Variants in PRKN observed in about 807,000 individuals in gnomAD.
The protein encoded by PRKN is E3 ubiquitin-protein ligase parkin.
In PRKN, 56 loss-of-function variants were observed where a neutral mutation model predicts 59.5. The ratio of observed to expected loss-of-function variants is 0.94; its 90% confidence interval spans 0.76 to 1.18. PRKN has a LOEUF of 1.18. Among genes scored for constraint, PRKN ranks in the 50% most tolerant of loss-of-function variants. The pLI is 0.00. For missense variants in PRKN, 657 were observed against 596.4 expected (o/e 1.10, Z -1.06); for synonymous variants, 250 against 222.1 (o/e 1.13, Z -1.12).
intron 7 of PRKN, among the ~76,000 whole-genome samples, chr6:161,739,322 C>T (rs368763161): frequency 3.9e-5 from 6 of 152,034 alleles, no homozygotes; most frequent in East Asian, 3.9e-4. Context: ...GTGGGAGAAT[C>T]GCTGGAACCT....
At chr6:162,511,337 T>C (rs1163137581) in intron 1 of PRKN, among the ~76,000 whole-genome samples, 1 of 152,152 alleles carries the variant, frequency 6.6e-6, no homozygotes, top group Non-Finnish European at 1.5e-5. Flanking sequence ...CTTATAGACA[T>C]TCTAGATGTA....
chr6:161,881,707 G>A (rs1412700612), intron 6 of PRKN, among the ~76,000 whole-genome samples: 1 of 152,168 alleles, frequency 6.6e-6, no homozygotes, highest in Non-Finnish European at 1.5e-5. Context: ...CAACTCATTA[G>A]AGCCTCCTGA....
chr6:162,413,889 T>C (rs954434703), intron 2 of PRKN, among the ~76,000 whole-genome samples: 13 of 152,212 alleles, frequency 8.5e-5, no homozygotes, highest in Middle Eastern at 3.4e-3. Context: ...AAACTCAAGA[T>C]TGCAGATACA....
intron 2 of PRKN, among the ~76,000 whole-genome samples, chr6:162,303,947 G>A (rs1207214282): frequency 6.6e-6 from 1 of 152,008 alleles, no homozygotes; most frequent in East Asian, 1.9e-4. Context: ...TTTTTGTATA[G>A]ATTTTGCTCC....
intron 7 of PRKN, among the ~76,000 whole-genome samples, chr6:161,619,012 G>A (rs1290238793): frequency 3.3e-5 from 5 of 152,032 alleles, no homozygotes; most frequent in African/African-American, 4.8e-5. Flanking sequence ...AGCAGTTTTC[G>A]GCAGAGGGCA....
intron 6 of PRKN, among the ~76,000 whole-genome samples, chr6:161,795,095 AG>A (rs771984736): frequency 9.9e-5 from 15 of 152,032 alleles, no homozygotes; most frequent in Non-Finnish European, 2.1e-4. Flanking sequence ...CAAGCTAGCC[AG>A]GATGGTCTCA....
Position 162,557,761 on chromosome 6 carries a change from C to T in PRKN, c.8-114288G>A, listed in dbSNP as rs1301345229. Among the ~76,000 whole-genome samples, 12 of 152,296 alleles carry T rather than the reference C, an allele frequency of 7.9e-5. No individual in the cohort carries two copies. In the East Asian group the frequency reaches 2.1e-3, roughly 27 times the overall value. ...CTGACCTCAAGTGATCCACCTGCCTCGGCCTCCCAGAGTGCTGGGATTACA... is the reference window on the plus strand; with the variant it reads ...CTGACCTCAAGTGATCCACCTGCCTTGGCCTCCCAGAGTGCTGGGATTACA... On this transcript the variant is annotated intron_variant, in intron 1 of 11. Transcript: ENST00000366898.
chr6:162,087,509 T>C (rs1383772884), intron 4 of PRKN, among the ~76,000 whole-genome samples: 1 of 152,050 alleles, frequency 6.6e-6, no homozygotes, highest in African/African-American at 2.4e-5. Context: ...CGCTAGGCAC[T>C]GTGCTTCCCT....
At chr6:162,048,980 C>T (rs941166737) in intron 5 of PRKN, among the ~76,000 whole-genome samples, 2 of 152,148 alleles carry the variant, frequency 1.3e-5, no homozygotes, top group African/African-American at 4.8e-5. Flanking sequence ...TTGAGCTGAC[C>T]GGAATTCTTT....
intron 6 of PRKN, among the ~76,000 whole-genome samples, chr6:161,793,687 C>G (rs1790726167): frequency 6.6e-6 from 1 of 152,066 alleles, no homozygotes; most frequent in Admixed American, 6.6e-5. Flanking sequence ...CCTAGCCTAT[C>G]TCTGGGGTTG....
chr6:162,615,087 T>C (rs1052848519), intron 1 of PRKN, among the ~76,000 whole-genome samples: 1 of 152,184 alleles, frequency 6.6e-6, no homozygotes, highest in Admixed American at 6.6e-5. Context: ...AATGTGCTTA[T>C]TGCAAAATAT....
rs138017764 is a variant in PRKN at position 162,030,086 on chromosome 6, C to T, written c.618+24005G>A. 6.6e-4 allele frequency among the ~76,000 whole-genome samples: 101 copies of T among 152,288 alleles called. 1 individual carries two copies. In the East Asian group the frequency reaches 0.014, roughly 21 times the overall value. ...AACACCTGGCTTCAGGCAATCTTCTCACCTCAGCCTCTGAAAGTGCTGAGA... is the reference window on the plus strand; with the variant it reads ...AACACCTGGCTTCAGGCAATCTTCTTACCTCAGCCTCTGAAAGTGCTGAGA... On this transcript the variant is annotated intron_variant, in intron 5 of 11. Coordinates refer to ENST00000366898, the MANE Select transcript of PRKN (RefSeq NM_004562.3).
intron 7 of PRKN, among the ~76,000 whole-genome samples, chr6:161,744,057 A>G (rs1788311526): frequency 6.6e-6 from 1 of 152,184 alleles, no homozygotes; most frequent in Non-Finnish European, 1.5e-5. Flanking sequence ...TTTCTGCTTC[A>G]GAGATCATAG....
At chr6:162,007,978 G>A (rs534047444) in intron 5 of PRKN, among the ~76,000 whole-genome samples, 2 of 152,024 alleles carry the variant, frequency 1.3e-5, no homozygotes, top group South Asian at 2.1e-4. Flanking sequence ...TTCAGATGTC[G>A]CTAGGGGAGC....
At chr6:162,244,651 CA>C (rs1562609227) in intron 3 of PRKN, among the ~76,000 whole-genome samples, 1 of 150,682 alleles carries the variant, frequency 6.6e-6, no homozygotes, top group African/African-American at 2.4e-5. Flanking sequence ...AAGATTTTAC[CA>C]AAAAAATAAA....
chr6:161,606,097 T>C (rs560776662), intron 7 of PRKN, among the ~76,000 whole-genome samples: 4 of 152,210 alleles, frequency 2.6e-5, no homozygotes, highest in African/African-American at 9.6e-5. Context: ...ACAGAGACTG[T>C]TTTTCTATCC....
chr6:161,614,996 AG>A (rs1562560701), intron 7 of PRKN, among the ~76,000 whole-genome samples: 7 of 137,304 alleles, frequency 5.1e-5, no homozygotes, highest in African/African-American at 2.0e-4. Context: ...AGAGAGAGAG[AG>A]AGAACACTGA....
chr6:162,248,715 A>G (rs555675196), intron 3 of PRKN, among the ~76,000 whole-genome samples: 1 of 152,272 alleles, frequency 6.6e-6, no homozygotes, highest in East Asian at 1.9e-4. Flanking sequence ...GATCCAAAAA[A>G]TAACAATTAA....
intron 6 of PRKN, among the ~76,000 whole-genome samples, chr6:161,931,321 C>T (rs553635390): frequency 2.0e-4 from 30 of 152,122 alleles, no homozygotes; most frequent in African/African-American, 7.0e-4. Flanking sequence ...GTCTGTAGTC[C>T]CAGCTACTTG....
Sources: allele counts gnomAD v4.1 joint callset (sites outside exome capture counted in the v4.1 genomes callset), GRCh38; gene constraint gnomAD v4.1.1; transcripts MANE v1.5; gene names NCBI Gene and HGNC (gene_info 2026-07-23, HGNC 2026-07-21).